The following PICALM variants were observed in gnomAD, a reference collection of about 807,000 sequenced individuals.
PICALM encodes the protein phosphatidylinositol binding clathrin assembly protein, also known as phosphatidylinositol-binding clathrin assembly protein.
Under a neutral mutation model 80.5 loss-of-function variants are expected in PICALM, and 40 were observed. The ratio of observed to expected loss-of-function variants is 0.50; its 90% CI spans 0.39 to 0.65. The LOEUF (loss-of-function observed/expected upper bound fraction) is 0.65. PICALM is among the 30% of genes least tolerant of loss of function. The pLI, the probability that PICALM is intolerant of heterozygous loss-of-function variation, is 0.00. For synonymous variants in PICALM, 288 were observed against 260.3 expected (o/e 1.11, Z -1.02); for missense variants, 676 against 778.9 (o/e 0.87, Z 1.57).
upstream of PICALM, chr11:86,069,705 T>A (rs1446497416): frequency 1.3e-5 from 2 of 152,270 alleles, no homozygotes; most frequent in Non-Finnish European, 2.9e-5. Flanking sequence ...ATTGAAGCTC[T>A]CCTTATTTAC....
intron 5 of PICALM, among the ~76,000 whole-genome samples, chr11:86,013,080 T>C (rs56094546): frequency 0.099 from 15,007 of 152,134 alleles, 939 homozygotes; most frequent in Admixed American, 0.14. Flanking sequence ...GGCAGGAGGA[T>C]TGCTTGAGCC....
intron 1 of PICALM, among the ~76,000 whole-genome samples, chr11:86,043,026 C>CA (rs1278004873): frequency 6.6e-6 from 1 of 152,178 alleles, no homozygotes; most frequent in East Asian, 1.9e-4. Context: ...TTTGCTGGAA[C>CA]AGTCCTGGTT....
intron 7 of PICALM, among the ~76,000 whole-genome samples, chr11:86,009,215 C>G (rs1389384290): frequency 7.6e-6 from 1 of 131,498 alleles, no homozygotes; most frequent in Non-Finnish European, 1.5e-5. Context: ...ATCGCTTGAA[C>G]CTGGGAGGCA....
At position 85,981,214 on chromosome 11, in the gene PICALM, C is replaced by G; in HGVS notation, c.1694G>C (p.Ser565Thr). 1 of 1,578,888 alleles carries G rather than the reference C, an allele frequency of 6.3e-7. No homozygotes were observed. The change falls in exon 17 of 20, where the codon AGT becomes ACT. Residue 565 changes from serine (S) to threonine (T), a missense_variant. Physicochemically the swap from Ser to Thr is moderately conservative, Grantham distance 58. Coordinates refer to ENST00000393346, the MANE Select transcript of PICALM (RefSeq NM_007166.4). ...AGTTAACTTCTTTTCACCTGGTTGA[C>G]TCCAATTTACATCACTTTAAATAAA... is the stretch of plus-strand genomic sequence containing the variant. ...NGTTKNDVNW[S>T]QPGEKKLTGG...
intron 1 of PICALM, among the ~76,000 whole-genome samples, chr11:86,049,155 CG>C (rs2096131975): frequency 6.6e-6 from 1 of 151,838 alleles, no homozygotes; most frequent in Admixed American, 6.6e-5. Context: ...TAGTCAGGCA[CG>C]GTGGGTGCAC....
rs1291010605 is a variant in PICALM, at chr11:86,069,059, G to A, written c.-279C>T. 3 of 377,586 alleles carry A rather than the reference G, an allele frequency of 7.9e-6. No homozygotes were observed. The highest frequency in any genetic ancestry group is 4.6e-5 in the South Asian group (1 of 21,718). The allele number at this position is 377,586 out of a possible 1,614,324, so 23.4% of individuals were successfully genotyped here. A position where few individuals can be genotyped will look rare whatever the true frequency, so the allele number is the denominator to read the frequency against. The stretch of plus-strand genomic sequence containing the variant: ...TCAGCTGGAGCCGGGCAGGGTAAGA[G>A]GAACAGGCAGCTGCAGGAAAATGGC... On this transcript the variant is annotated 5_prime_UTR_variant, in exon 1 of 20. Transcript: ENST00000393346.
chr11:86,000,220 C>T (rs1182726950), intron 11 of PICALM, among the ~76,000 whole-genome samples: 1 of 152,070 alleles, frequency 6.6e-6, no homozygotes, highest in Admixed American at 6.6e-5. Flanking sequence ...CACTGTGTTC[C>T]AGATTACAGA....
intron 2 of PICALM, among the ~76,000 whole-genome samples, chr11:86,027,899 C>T (rs762344671): frequency 1.3e-5 from 2 of 152,062 alleles, no homozygotes; most frequent in African/African-American, 2.4e-5. Context: ...AAACTGAAGA[C>T]TCATATTTCA....
At chr11:86,056,769 C>T (rs1183699394) in intron 1 of PICALM, among the ~76,000 whole-genome samples, 1 of 152,122 alleles carries the variant, frequency 6.6e-6, no homozygotes, top group African/African-American at 2.4e-5. Context: ...CTAAACAACC[C>T]AAATGTCCAC....
At chr11:86,034,146 A>C (rs746372806) in intron 1 of PICALM, among the ~76,000 whole-genome samples, 6 of 152,078 alleles carry the variant, frequency 3.9e-5, no homozygotes, top group Non-Finnish European at 8.8e-5. Context: ...GGAAAAATTA[A>C]GTAAGAATTC....
At chr11:85,993,324 T>C (rs570033267) in intron 12 of PICALM, among the ~76,000 whole-genome samples, 2 of 152,190 alleles carry the variant, frequency 1.3e-5, no homozygotes, top group East Asian at 3.9e-4. Context: ...TGGGCTCAAA[T>C]AATCTGCCTG....
In PICALM at chr11:86,069,067, C is replaced by A. The variant is rs934689594; in HGVS notation, c.-287G>T. 26 of 355,872 alleles carry A rather than the reference C, an allele frequency of 7.3e-5. No homozygotes were observed. The highest frequency in any genetic ancestry group is 1.3e-4 in the Non-Finnish European group (25 of 193,374). The allele number at this position is 355,872 out of a possible 1,614,324, so 22.0% of individuals were successfully genotyped here. On this transcript the variant is annotated 5_prime_UTR_variant, in exon 1 of 20. Coordinates refer to ENST00000393346, the MANE Select transcript of PICALM (RefSeq NM_007166.4). ...AGCCGGGCAGGGTAAGAGGAACAGG[C>A]AGCTGCAGGAAAATGGCGGCGCCAG...
At chr11:85,974,978 AT>A (rs35574680) in intron 18 of PICALM, among the ~76,000 whole-genome samples, 166 bp from the exon 19 acceptor site, 3 of 151,524 alleles carry the variant, frequency 2.0e-5, no homozygotes, top group African/African-American at 4.8e-5. Flanking sequence ...TTTCGAGAGT[AT>A]TTTTTTTTCT....
Position 85,990,416 on chromosome 11 carries a change from T to C in PICALM, c.1259-17A>G, listed in dbSNP as rs1565314281. 2 of 1,496,502 alleles carry C rather than the reference T, an allele frequency of 1.3e-6. No homozygotes were observed. The highest frequency in any genetic ancestry group is 9.1e-7 in the Non-Finnish European group (1 of 1,103,684). The allele number at this position is 1,496,502 out of a possible 1,614,324, so 92.7% of individuals were successfully genotyped here. A position where few individuals can be genotyped will look rare whatever the true frequency, so the allele number is the denominator to read the frequency against. Reference sequence around the variant, plus strand: ...AGAAAGGATCTGTGCAGTCCAAATGTATTATAGCAAAATGAAGAAAGGAAG... The same window carrying C: ...AGAAAGGATCTGTGCAGTCCAAATGCATTATAGCAAAATGAAGAAAGGAAG... On this transcript the variant is annotated splice_polypyrimidine_tract_variant and intron_variant, in intron 12 of 19. Coordinates refer to ENST00000393346, the MANE Select transcript of PICALM (RefSeq NM_007166.4).
intron 1 of PICALM, among the ~76,000 whole-genome samples, chr11:86,059,638 T>G (rs1306600425): frequency 1.3e-5 from 2 of 152,160 alleles, no homozygotes; most frequent in Non-Finnish European, 2.9e-5. Flanking sequence ...GGCACACACC[T>G]GTAGTCCTAC....
At chr11:86,023,307 C>T (rs2095597429) in intron 3 of PICALM, 1 of 253,434 alleles carries the variant, frequency 3.9e-6, no homozygotes, top group South Asian at 1.5e-4. Context: ...TTCAACATCA[C>T]CAGTTCATTT....
intron 1 of PICALM, among the ~76,000 whole-genome samples, chr11:86,037,275 T>TTTGAGACGGAG (rs2095859465): frequency 6.7e-6 from 1 of 148,516 alleles, no homozygotes; most frequent in African/African-American, 2.5e-5. Flanking sequence ...TTTTTTTTTT[T>TTTGAGACGGAG]TTGAGACGGA....
intron 1 of PICALM, among the ~76,000 whole-genome samples, chr11:86,045,073 C>G (rs756855215): frequency 6.6e-6 from 1 of 152,190 alleles, no homozygotes; most frequent in South Asian, 2.1e-4. Context: ...AAATAATAAC[C>G]TATCTACATG....
intron 19 of PICALM, among the ~76,000 whole-genome samples, chr11:85,973,757 G>C (rs1320296379): frequency 1.3e-5 from 2 of 152,176 alleles, no homozygotes; most frequent in East Asian, 1.9e-4. Flanking sequence ...ATGCATTCAA[G>C]TGAAAGGGGA....
Sources: allele counts gnomAD v4.1 joint callset (sites outside exome capture counted in the v4.1 genomes callset), GRCh38; gene constraint gnomAD v4.1.1; transcripts MANE v1.5; gene names NCBI Gene and HGNC (gene_info 2026-07-23, HGNC 2026-07-21).